ITPR1: variants seen among roughly 807,000 people sequenced by gnomAD.
ITPR1 encodes inositol 1,4,5-trisphosphate receptor type 1, also known as inositol 1,4,5-trisphosphate-gated calcium channel ITPR1.
Under a neutral mutation model 318.4 loss-of-function variants are expected in ITPR1, and 96 were observed. That is an observed-to-expected ratio of 0.30 (90% CI 0.26 to 0.36). The LOEUF is 0.36. Among genes scored for constraint, ITPR1 ranks in the 10% least tolerant of loss-of-function variants. The pLI is 1.00. For missense variants in ITPR1, 2,440 were observed against 3,460.2 expected (o/e 0.71, Z 7.40); for synonymous variants, 1,312 against 1,289.9 (o/e 1.02, Z -0.37).
chr3:4,559,412 G>C (rs942810928), intron 4 of ITPR1, among the ~76,000 whole-genome samples: 1 of 152,120 alleles, frequency 6.6e-6, no homozygotes, highest in African/African-American at 2.4e-5. Context: ...AAAAAGTATA[G>C]ACAACTTTAT....
chr3:4,773,665 C>T (rs2046320843), intron 46 of ITPR1, among the ~76,000 whole-genome samples: 1 of 152,222 alleles, frequency 6.6e-6, no homozygotes, highest in East Asian at 1.9e-4. Flanking sequence ...CCAAACACTC[C>T]TCCAGCGCCC....
intron 2 of ITPR1, among the ~76,000 whole-genome samples, chr3:4,512,845 A>G (rs547010077): frequency 2.8e-4 from 42 of 152,238 alleles, no homozygotes; most frequent in African/African-American, 9.9e-4. Flanking sequence ...ATAACAAGCT[A>G]GATGATAATA....
chr3:4,652,496 C>T (rs536717533), intron 11 of ITPR1, among the ~76,000 whole-genome samples: 23 of 152,238 alleles, frequency 1.5e-4, no homozygotes, highest in South Asian at 2.1e-4. Flanking sequence ...TTTTCCATTT[C>T]GCTTTTATAT....
In ITPR1 at chr3:4,635,934, C is replaced by T. The variant is rs1042153505; in HGVS notation, c.280-3450C>T. 8.6e-5 allele frequency among the ~76,000 whole-genome samples: 13 copies of T among 151,662 alleles called. 1 individual carries two copies. The highest frequency in any genetic ancestry group is 8.5e-4 in the Admixed American group (13 of 15,262). On this transcript the variant is annotated intron_variant, in intron 5 of 61. Transcript: ENST00000649015. Reference sequence around the variant, plus strand: ...GGAATGCAATGGCATGATCTCAGCTCACTGCAACCTCTGCCTCCTGGGTTC... The same window carrying T: ...GGAATGCAATGGCATGATCTCAGCTTACTGCAACCTCTGCCTCCTGGGTTC...
Position 4,693,796 on chromosome 3 carries a change from C to T in ITPR1, c.4281+55C>T, listed in dbSNP as rs559712190. On this transcript the variant is annotated intron_variant, in intron 33 of 61. Coordinates refer to ENST00000649015, the MANE Select transcript of ITPR1 (RefSeq NM_001378452.1). ...CTCGTTGCTATGTGGTGTGTGCTGT[C>T]GTGGCTCACTGGGAGACATGGTGGT... 2.1e-5 allele frequency: 33 copies of T among 1,545,280 alleles called. No homozygotes were observed. The African/African-American group carries it at 2.7e-4, about 13-fold the overall frequency.
chr3:4,782,921 C>G (rs1232826178), intron 50 of ITPR1, among the ~76,000 whole-genome samples, 180 bp downstream of exon 50: 1 of 152,152 alleles, frequency 6.6e-6, no homozygotes, highest in Middle Eastern at 3.2e-3. Flanking sequence ...AGTTCCAGGA[C>G]GTTTCCATTT....
intron 4 of ITPR1, among the ~76,000 whole-genome samples, chr3:4,611,862 A>G (rs542613106): frequency 5.7e-4 from 87 of 152,312 alleles, no homozygotes; most frequent in Non-Finnish European, 9.8e-4. Flanking sequence ...TATTGTAAAA[A>G]TAATTTAAGC....
At chr3:4,664,577 T>C (rs2093906343) in intron 16 of ITPR1, among the ~76,000 whole-genome samples, 1 of 152,254 alleles carries the variant, frequency 6.6e-6, no homozygotes, top group South Asian at 2.1e-4. Flanking sequence ...TGTCCAGCTG[T>C]TGTTTCATGT....
chr3:4,802,534 G>A (rs1160367505), intron 54 of ITPR1, among the ~76,000 whole-genome samples: 1 of 151,990 alleles, frequency 6.6e-6, no homozygotes, highest in Non-Finnish European at 1.5e-5. Flanking sequence ...GAAATGGGAA[G>A]GAAACAGGCT....
chr3:4,828,945 C>G (rs985911097), intron 60 of ITPR1, among the ~76,000 whole-genome samples: 3 of 152,102 alleles, frequency 2.0e-5, no homozygotes, highest in African/African-American at 4.8e-5. Flanking sequence ...AAATTTTTAT[C>G]CCAAAGAAAG....
intron 44 of ITPR1, among the ~76,000 whole-genome samples, chr3:4,755,263 T>C (rs1436490343): frequency 6.7e-6 from 1 of 148,676 alleles, no homozygotes; most frequent in Non-Finnish European, 1.5e-5. Context: ...CCACACAGGG[T>C]GGAGGGGGAC....
chr3:4,660,200 T>C (rs1435755290), intron 13 of ITPR1, among the ~76,000 whole-genome samples: 1 of 152,232 alleles, frequency 6.6e-6, no homozygotes, highest in Non-Finnish European at 1.5e-5. Context: ...TTGTTTTAAC[T>C]TGTGTAACTT....
intron 46 of ITPR1, among the ~76,000 whole-genome samples, chr3:4,773,671 C>T (rs962852980): frequency 1.3e-5 from 2 of 152,216 alleles, no homozygotes; most frequent in South Asian, 2.1e-4. Context: ...ACTCCTCCAG[C>T]GCCCCTGCAC....
At chr3:4,686,288 A>C (rs1205974205) in intron 30 of ITPR1, among the ~76,000 whole-genome samples, 1 of 152,164 alleles carries the variant, frequency 6.6e-6, no homozygotes, top group African/African-American at 2.4e-5. Flanking sequence ...CTCCTCAGTC[A>C]TGGGGACCAT....
At chr3:4,587,778 A>C (rs2090048053) in intron 4 of ITPR1, among the ~76,000 whole-genome samples, 1 of 152,238 alleles carries the variant, frequency 6.6e-6, no homozygotes, top group South Asian at 2.1e-4. Flanking sequence ...CAATTTGGGA[A>C]GGACTTGTTA....
At chr3:4,685,291 T>C in intron 30 of ITPR1, 85 bp downstream of exon 30, 1 of 1,350,242 alleles carries the variant, frequency 7.4e-7, no homozygotes, top group Non-Finnish European at 9.8e-7. Flanking sequence ...CTGGATATTG[T>C]TAGTGAAGAA....
At position 4,696,042 on chromosome 3, in the gene ITPR1, G is replaced by T. The variant is rs115590126; in HGVS notation, c.4282-1105G>T. ...ACCCTGCTAACATTTGCTATCATCA[G>T]ATCCTTTATTATTTTTTTCAATTTG... On this transcript the variant is annotated intron_variant, in intron 33 of 61. Coordinates refer to ENST00000649015, the MANE Select transcript of ITPR1 (RefSeq NM_001378452.1). Among the ~76,000 whole-genome samples the T allele has an allele frequency of 3.2e-3, 487 of 152,256 alleles. 3 individuals are homozygous for T. The highest frequency in any genetic ancestry group is 0.011 in the African/African-American group (462 of 41,568).
chr3:4,804,175 A>G (rs992161889), intron 54 of ITPR1, among the ~76,000 whole-genome samples: 6 of 152,160 alleles, frequency 3.9e-5, no homozygotes, highest in African/African-American at 1.2e-4. Flanking sequence ...CCCCGCCTAG[A>G]GTGAATTTTA....
At chr3:4,620,028 T>C (rs1221145181) in intron 4 of ITPR1, among the ~76,000 whole-genome samples, 1 of 152,106 alleles carries the variant, frequency 6.6e-6, no homozygotes, top group East Asian at 1.9e-4. Context: ...TTTGAGGATG[T>C]TATAGTTGAC....
Sources: gnomAD v4.1 joint callset for allele counts (sites outside exome capture counted in the v4.1 genomes callset) on GRCh38, gnomAD v4.1.1 for gene constraint, MANE v1.5 for transcripts, NCBI Gene and HGNC (gene_info 2026-07-23, HGNC 2026-07-21) for gene names.